ITGB8: variants seen among roughly 807,000 people sequenced by gnomAD.
ITGB8 encodes the protein integrin subunit beta 8.
A neutral mutation model predicts 89.5 loss-of-function variants in ITGB8; 30 were observed. The ratio of observed to expected loss-of-function variants is 0.34; its 90% CI spans 0.25 to 0.45. The LOEUF is 0.45. ITGB8 is among the 20% of genes least tolerant of loss of function. ITGB8 has a pLI of 1.00. For missense variants in ITGB8, 836 were observed against 933.3 expected, an observed-to-expected ratio of 0.90 and a Z score of 1.36; for synonymous variants, 335 against 320.4, an observed-to-expected ratio of 1.05 and a Z score of -0.49.
At chr7:20,407,840 A>G (rs1315366259) in intron 12 of ITGB8, among the ~76,000 whole-genome samples, 3 of 152,238 alleles carry the variant, frequency 2.0e-5, no homozygotes, top group African/African-American at 7.2e-5. Flanking sequence ...AGCATGGGCT[A>G]GGCATGAATG....
chr7:20,357,208 G>C (rs1458696516), intron 1 of ITGB8, among the ~76,000 whole-genome samples: 1 of 152,194 alleles, frequency 6.6e-6, no homozygotes, highest in Non-Finnish European at 1.5e-5. Context: ...CAGTAAGCCA[G>C]TTTGTAGTGA....
At chr7:20,350,524 A>G (rs1227800024) in intron 1 of ITGB8, among the ~76,000 whole-genome samples, 3 of 152,362 alleles carry the variant, frequency 2.0e-5, no homozygotes, top group Non-Finnish European at 2.9e-5. Context: ...ACAGAACTGT[A>G]CATGCTATAA....
chr7:20,384,338 A>T (rs570356729), intron 6 of ITGB8, among the ~76,000 whole-genome samples: 1 of 152,164 alleles, frequency 6.6e-6, no homozygotes, highest in Non-Finnish European at 1.5e-5. Context: ...ACAACTGATT[A>T]AAAAACCCTT....
chr7:20,400,369 T>C (rs567819735), intron 9 of ITGB8, among the ~76,000 whole-genome samples: 1 of 152,284 alleles, frequency 6.6e-6, no homozygotes, highest in African/African-American at 2.4e-5. Context: ...CATTAACTTA[T>C]GTATCTGTTA....
chr7:20,343,642 G>A (rs1048897971), intron 1 of ITGB8, among the ~76,000 whole-genome samples: 8 of 152,138 alleles, frequency 5.3e-5, no homozygotes, highest in Admixed American at 3.3e-4. Context: ...CTTAAGAAGC[G>A]GAGTTTTCTG....
At chr7:20,361,723 AG>A (rs1785511196) in intron 1 of ITGB8, among the ~76,000 whole-genome samples, 1 of 152,214 alleles carries the variant, frequency 6.6e-6, no homozygotes, top group Non-Finnish European at 1.5e-5. Context: ...AAAACTAAAA[AG>A]GTCACTCACT....
chr7:20,367,305 G>A (rs989447877), intron 3 of ITGB8, 119 bp downstream of exon 3: 7 of 762,036 alleles, frequency 9.2e-6, no homozygotes, highest in Non-Finnish European at 1.5e-5. Flanking sequence ...AACCACAGTG[G>A]ACTCAGAATC....
chr7:20,348,777 A>G (rs894797765), intron 1 of ITGB8, among the ~76,000 whole-genome samples: 12 of 152,344 alleles, frequency 7.9e-5, no homozygotes, highest in Non-Finnish European at 1.8e-4. Context: ...TAAGTGTTGC[A>G]AGATGGAAGC....
At chr7:20,368,490 T>G (rs1193925706) in intron 3 of ITGB8, among the ~76,000 whole-genome samples, 1 of 152,192 alleles carries the variant, frequency 6.6e-6, no homozygotes, top group South Asian at 2.1e-4. Context: ...ACTAGAAAGT[T>G]TGAACATTTT....
chr7:20,346,632 T>G (rs1005601052), intron 1 of ITGB8: 1 of 841,342 alleles, frequency 1.2e-6, no homozygotes, highest in African/African-American at 1.8e-5. Context: ...CCTGACTTAG[T>G]TCTGAAGTGA....
intron 1 of ITGB8, among the ~76,000 whole-genome samples, chr7:20,362,960 T>C (rs1785561245): frequency 6.6e-6 from 1 of 152,336 alleles, no homozygotes; most frequent in South Asian, 2.1e-4. Flanking sequence ...GAAATGTGAA[T>C]TGGTCATGAT....
chr7:20,340,281 C>T (rs1009674729), intron 1 of ITGB8, among the ~76,000 whole-genome samples: 1 of 152,020 alleles, frequency 6.6e-6, no homozygotes, highest in East Asian at 1.9e-4. Context: ...AGAGGATTGC[C>T]AAAAAATTCA....
rs199631894 is a variant in ITGB8, at chr7:20,401,813, C to T, written c.1374C>T (p.Thr458=). Residue 458 remains threonine, a synonymous_variant, in exon 10 of 14, where the codon ACC becomes ACT. Transcript: ENST00000222573. ...AIIKPIGFNE[T]AKIHIHRNCS... ...TCAAACCTATTGGTTTTAATGAAACCGCTAAAATTCATATACACAGAAACT... is the reference window on the plus strand; with the variant it reads ...TCAAACCTATTGGTTTTAATGAAACTGCTAAAATTCATATACACAGAAACT... The T allele has an allele frequency of 3.3e-5, 54 of 1,612,452 alleles. No individual in the cohort carries two copies. The highest frequency in any genetic ancestry group is 1.2e-4 in the African/African-American group (9 of 74,932).
rs747193508 is a variant in ITGB8 at position 20,406,137 on chromosome 7, C to A, written c.1989C>A (p.Leu663=). ...ATCAGTGCAAAACCTCATGTGCTCT[C>A]ATGGAACAACAGCATTATGTCGACC... ...ILDQCKTSCA[L]MEQQHYVDQT... Residue 663 remains leucine (L), a synonymous_variant, in exon 12 of 14, where the codon CTC becomes CTA. Coordinates refer to ENST00000222573, the MANE Select transcript of ITGB8 (RefSeq NM_002214.3). The A allele has an allele frequency of 6.2e-7, 1 of 1,612,038 alleles. No homozygotes were observed. Among genetic ancestry groups the A allele is most frequent in the Non-Finnish European group, 8.5e-7 (1 of 1,178,138 alleles).
At chr7:20,384,510 C>T (rs1311651819) in intron 6 of ITGB8, among the ~76,000 whole-genome samples, 4 of 152,180 alleles carry the variant, frequency 2.6e-5, no homozygotes, top group Non-Finnish European at 5.9e-5. Context: ...TCAAATTTAT[C>T]TTTACAACAA....
intron 9 of ITGB8, 150 bp from the exon 10 acceptor site, chr7:20,401,571 T>C (rs1787311170): frequency 4.0e-6 from 2 of 502,636 alleles, no homozygotes; most frequent in Non-Finnish European, 6.7e-6. Flanking sequence ...ATGTTGCATA[T>C]ATATGAAAGA....
At chr7:20,400,810 T>C (rs1787278461) in intron 9 of ITGB8, among the ~76,000 whole-genome samples, 1 of 152,174 alleles carries the variant, frequency 6.6e-6, no homozygotes. Context: ...ATGAGAGTCC[T>C]AAACATTTTT....
chr7:20,382,736 G>A (rs1449614530), intron 6 of ITGB8, among the ~76,000 whole-genome samples: 1 of 152,070 alleles, frequency 6.6e-6, no homozygotes, highest in African/African-American at 2.4e-5. Context: ...TAACAACTTA[G>A]TATCTCCTTA....
chr7:20,351,479 A>G (rs925611664), intron 1 of ITGB8, among the ~76,000 whole-genome samples: 5 of 152,274 alleles, frequency 3.3e-5, no homozygotes, highest in African/African-American at 1.2e-4. Flanking sequence ...GATCATTTAT[A>G]TAAAGTGCTT....
Sources: gnomAD v4.1 joint callset for allele counts (sites outside exome capture counted in the v4.1 genomes callset) on GRCh38, gnomAD v4.1.1 for gene constraint, MANE v1.5 for transcripts, NCBI Gene and HGNC (gene_info 2026-07-23, HGNC 2026-07-21) for gene names.